The following TENM3 variants were observed in gnomAD, a reference collection of about 807,000 sequenced individuals.
TENM3 encodes teneurin transmembrane protein 3.
TENM3 carries 63 observed loss-of-function variants against 255.1 expected under a neutral mutation model. That is an observed-to-expected ratio of 0.25 (90% CI 0.20 to 0.30). The LOEUF (loss-of-function observed/expected upper bound fraction) is 0.30. Among genes scored for constraint, TENM3 ranks in the 10% least tolerant of loss-of-function variants. TENM3 has a pLI of 1.00. For missense variants in TENM3, 2,929 were observed against 3,461.1 expected (o/e 0.85, Z 3.86); for synonymous variants, 1,306 against 1,322.3 (o/e 0.99, Z 0.27).
At chr4:181,741,888 G>A in the TENM3 span, among the ~76,000 whole-genome samples, 1 of 152,180 alleles carries the variant, frequency 6.6e-6, no homozygotes, top group African/African-American at 2.4e-5. Flanking sequence ...ATACGTGAAT[G>A]AACATAGCAG....
intron 3 of TENM3, among the ~76,000 whole-genome samples, chr4:182,499,752 A>G (rs62337195): frequency 0.022 from 3,381 of 152,346 alleles, 46 homozygotes; most frequent in Middle Eastern, 0.041. Flanking sequence ...GAAGTTTAAT[A>G]GCATTTTCTA....
At chr4:181,999,534 C>T in the TENM3 span, among the ~76,000 whole-genome samples, 1,450 of 152,100 alleles carry the variant, frequency 9.5e-3, 25 homozygotes, top group African/African-American at 0.033. Context: ...ACAGTGCTTC[C>T]GTGGAATAAA....
the TENM3 span, among the ~76,000 whole-genome samples, chr4:182,049,169 C>A: frequency 1.3e-5 from 2 of 152,130 alleles, no homozygotes; most frequent in Non-Finnish European, 2.9e-5. Context: ...CTACCTATCA[C>A]CCTTTTTCTC....
At chr4:181,871,540 C>T in the TENM3 span, among the ~76,000 whole-genome samples, 3 of 151,920 alleles carry the variant, frequency 2.0e-5, no homozygotes, top group Non-Finnish European at 4.4e-5. Context: ...AAACTTTATG[C>T]CTTTTATGTC....
chr4:182,078,437 G>T, the TENM3 span, among the ~76,000 whole-genome samples: 1 of 152,086 alleles, frequency 6.6e-6, no homozygotes, highest in Non-Finnish European at 1.5e-5. Context: ...CAGGGGAATC[G>T]CTTGAACCTG....
At chr4:181,543,626 G>T in the TENM3 span, among the ~76,000 whole-genome samples, 1 of 152,186 alleles carries the variant, frequency 6.6e-6, no homozygotes, top group Non-Finnish European at 1.5e-5. Flanking sequence ...CCAGCCACCT[G>T]CTGGCCTACT....
the TENM3 span, among the ~76,000 whole-genome samples, chr4:181,877,955 C>T: frequency 1.3e-5 from 2 of 152,090 alleles, no homozygotes; most frequent in Admixed American, 6.6e-5. Context: ...AGGCGTATGG[C>T]GTTTCTGTCA....
intron 16 of TENM3, among the ~76,000 whole-genome samples, chr4:182,734,011 A>C (rs1760979746): frequency 6.6e-6 from 1 of 152,198 alleles, no homozygotes; most frequent in South Asian, 2.1e-4. Context: ...CAAATATTTC[A>C]TAAAAATTTA....
At chr4:182,236,643 C>T (rs1756916120) in intron 1 of TENM3, among the ~76,000 whole-genome samples, 2 of 152,104 alleles carry the variant, frequency 1.3e-5, no homozygotes, top group Non-Finnish European at 2.9e-5. Context: ...AATATTTCAA[C>T]AAGGTTACTC....
the TENM3 span, among the ~76,000 whole-genome samples, chr4:181,734,326 C>A: frequency 6.6e-6 from 1 of 151,196 alleles, no homozygotes; most frequent in African/African-American, 2.4e-5. Context: ...TTTTTAATCC[C>A]CAGAACACAG....
the TENM3 span, among the ~76,000 whole-genome samples, chr4:181,716,203 A>G: frequency 1.3e-5 from 2 of 152,236 alleles, no homozygotes; most frequent in Non-Finnish European, 2.9e-5. Context: ...AGGCACATAC[A>G]TAATTTAAAA....
the TENM3 span, among the ~76,000 whole-genome samples, chr4:181,568,327 A>T: frequency 2.0e-5 from 3 of 151,748 alleles, no homozygotes; most frequent in African/African-American, 7.3e-5. Flanking sequence ...CCACACCCAG[A>T]TAATTGTTTT....
the TENM3 span, among the ~76,000 whole-genome samples, chr4:181,836,122 C>A: frequency 1.4e-3 from 216 of 151,728 alleles, 1 homozygote; most frequent in Middle Eastern, 0.014. Context: ...CATTCTCTCC[C>A]CAGAATCTTT....
chr4:182,094,645 G>T, the TENM3 span, among the ~76,000 whole-genome samples: 1 of 152,174 alleles, frequency 6.6e-6, no homozygotes. Flanking sequence ...ATGATAAGAT[G>T]AGAACAAGTC....
intron 1 of TENM3, among the ~76,000 whole-genome samples, chr4:182,305,212 TA>T (rs143543000): frequency 0.045 from 6,715 of 148,904 alleles, 479 homozygotes; most frequent in African/African-American, 0.15. Context: ...TAAACAGATC[TA>T]AAAAAAAAAC....
chr4:181,939,053 A>G, the TENM3 span, among the ~76,000 whole-genome samples: 1 of 152,328 alleles, frequency 6.6e-6, no homozygotes, highest in South Asian at 2.1e-4. Context: ...GGGGTTAATA[A>G]GTAATGTAAG....
intron 3 of TENM3, among the ~76,000 whole-genome samples, chr4:182,515,503 A>G (rs1447128580): frequency 6.6e-6 from 1 of 152,202 alleles, no homozygotes; most frequent in African/African-American, 2.4e-5. Context: ...GTAGCCCTAG[A>G]TTAGAAAGAT....
chr4:181,845,489 ATATAT>A, the TENM3 span, among the ~76,000 whole-genome samples: 1 of 152,140 alleles, frequency 6.6e-6, no homozygotes, highest in African/African-American at 2.4e-5. Flanking sequence ...GGAAGGAAAT[ATATAT>A]TATATCTCTA....
chr4:182,717,274 T>C (rs1759271376), intron 13 of TENM3, among the ~76,000 whole-genome samples: 1 of 152,156 alleles, frequency 6.6e-6, no homozygotes, highest in African/African-American at 2.4e-5. Flanking sequence ...TGTCCCCCTT[T>C]ATCTCTAAAA....
Sources: gnomAD v4.1 joint callset for allele counts (sites outside exome capture counted in the v4.1 genomes callset) on GRCh38, gnomAD v4.1.1 for gene constraint, MANE v1.5 for transcripts, NCBI Gene and HGNC (gene_info 2026-07-23, HGNC 2026-07-21) for gene names.